The following PCM1 variants were observed in gnomAD, a reference collection of about 807,000 sequenced individuals.
PCM1 encodes the protein pericentriolar material 1 protein.
In PCM1, 157 loss-of-function variants were observed where a neutral mutation model predicts 241.9. The ratio of observed to expected loss-of-function variants is 0.65; its 90% CI spans 0.57 to 0.74. The LOEUF (loss-of-function observed/expected upper bound fraction) is 0.74. Ranked by LOEUF, PCM1 falls within the 30% of genes least tolerant of loss-of-function variation. The pLI, the probability that PCM1 is intolerant of heterozygous loss-of-function variation, is 0.00. For missense variants in PCM1, 3,478 were observed against 2,360.1 expected, an observed-to-expected ratio of 1.47 and a Z score of -9.81; for synonymous variants, 1,085 against 784.9, an observed-to-expected ratio of 1.38 and a Z score of -6.39.
rs1013143654 is a variant in PCM1, at chr8:17,965,991, T to A, written c.2856-8T>A. ...TATGATGACTTAATGCTTTCAATCTTGTGTTAGGTGGAAGAACAATTGCCC... is the reference window on the plus strand; with the variant it reads ...TATGATGACTTAATGCTTTCAATCTAGTGTTAGGTGGAAGAACAATTGCCC... On this transcript the variant is annotated splice_region_variant and splice_polypyrimidine_tract_variant and intron_variant, in intron 18 of 38. Coordinates refer to ENST00000325083, the MANE Select transcript of PCM1 (RefSeq NM_006197.4). 8 of 1,598,132 alleles carry A rather than the reference T, an allele frequency of 5.0e-6. No homozygotes were observed. Among genetic ancestry groups the A allele is most frequent in the Non-Finnish European group, 6.8e-6 (8 of 1,170,518 alleles).
intron 4 of PCM1, among the ~76,000 whole-genome samples, chr8:17,938,030 A>G (rs1278090141): frequency 6.6e-6 from 1 of 152,186 alleles, no homozygotes; most frequent in Non-Finnish European, 1.5e-5. Context: ...TTCTTCATGT[A>G]GACACAACTT....
intron 36 of PCM1, among the ~76,000 whole-genome samples, chr8:18,016,673 TGTATGTA>T (rs1359295963): frequency 6.6e-6 from 1 of 152,156 alleles, no homozygotes; most frequent in Non-Finnish European, 1.5e-5. Flanking sequence ...TAAAATGAAT[TGTATGTA>T]GGGAGTGATT....
At position 17,957,871 on chromosome 8, in the gene PCM1, A is replaced by G. The variant is rs573121243; in HGVS notation, c.2040+96A>G. 4.8e-5 allele frequency: 38 copies of G among 786,934 alleles called. No homozygotes were observed. The South Asian group carries it at 6.8e-4, about 14-fold the overall frequency. 48.7% of individuals were successfully genotyped at this position (786,934 alleles called of 1,614,324 possible). ...TAATTACTTTGGTTTAATTATACTA[A>G]TACACATTTATGTATCATATGTGAG... On this transcript the variant is annotated intron_variant, in intron 13 of 38. Transcript: ENST00000325083.
At chr8:17,998,177 C>T (rs1162363090) in intron 29 of PCM1, among the ~76,000 whole-genome samples, 1 of 152,060 alleles carries the variant, frequency 6.6e-6, no homozygotes, top group Non-Finnish European at 1.5e-5. Context: ...CTTATTTGGT[C>T]CCTTTGTTGA....
At position 17,985,979 on chromosome 8, in the gene PCM1, T is replaced by G. The variant is rs778476370; in HGVS notation, c.4302T>G (p.Ile1434Met). ...YALQDIVSRHISESHEKGENV... is the reference protein window; with the variant it reads ...YALQDIVSRHMSESHEKGENV... The stretch of plus-strand genomic sequence containing the variant: ...TTTAGGACATAGTATCCAGACATAT[T>G]TCTGAGAGCCATGAAAAAGGAGAAA... Residue 1434 changes from isoleucine to methionine, a missense_variant, in exon 26 of 39, where the codon ATT becomes ATG. Coordinates refer to ENST00000325083, the MANE Select transcript of PCM1 (RefSeq NM_006197.4). 2 of 1,571,692 alleles carry G rather than the reference T, an allele frequency of 1.3e-6. No individual in the cohort carries two copies. Among genetic ancestry groups the G allele is most frequent in the Non-Finnish European group, 1.7e-6 (2 of 1,147,982 alleles).
intron 21 of PCM1, among the ~76,000 whole-genome samples, chr8:17,968,136 T>A (rs147132129): frequency 2.8e-4 from 43 of 152,262 alleles, no homozygotes; most frequent in African/African-American, 1.0e-3. Context: ...GAAAGGGCTT[T>A]CTAATAGAAC....
rs1316581268 is a variant in PCM1 at position 17,966,360 on chromosome 8, G to A, written c.3108G>A (p.Thr1036=). 1.9e-6 allele frequency: 3 copies of A among 1,613,540 alleles called. No homozygotes were observed. The highest frequency in any genetic ancestry group is 1.7e-5 in the Admixed American group (1 of 60,006). ...TLSCLLQTLL[T]GPYSVMPSNV... ...CTTGTCTGCTACAAACTCTTCTCAC[G>A]GGTCCTTACAGTGTTATGCCCAGCA... The change falls in exon 20 of 39, where the codon ACG becomes ACA. Residue 1036 remains threonine, a synonymous_variant. Coordinates refer to ENST00000325083, the MANE Select transcript of PCM1 (RefSeq NM_006197.4).
Position 17,972,640 on chromosome 8 carries a change from G to C in PCM1, c.3896G>C (p.Ser1299Thr), listed in dbSNP as rs562478398. 1.1e-5 allele frequency: 18 copies of C among 1,580,370 alleles called. No homozygotes were observed. The African/African-American group carries it at 2.1e-4, about 18-fold the overall frequency. Residue 1299 changes from serine (S) to threonine (T), a missense_variant, in exon 23 of 39, where the codon AGT becomes ACT. Ser to Thr is a moderately conservative substitution (Grantham distance 58). Transcript: ENST00000325083. ...AAAGATAAAACTCCCAAGTCAAAAAGTAAGAAGAGGAATTCTACTCAGCTG... is the reference window on the plus strand; with the variant it reads ...AAAGATAAAACTCCCAAGTCAAAAACTAAGAAGAGGAATTCTACTCAGCTG... ...ASKDKTPKSK[S>T]KKRNSTQLKS...
At chr8:17,963,743 A>G (rs1399843662) in intron 17 of PCM1, among the ~76,000 whole-genome samples, 1 of 152,196 alleles carries the variant, frequency 6.6e-6, no homozygotes, top group Non-Finnish European at 1.5e-5. Context: ...CATATTTAGA[A>G]TATTTCTAAA....
chr8:17,990,641 G>T (rs1320633054), intron 27 of PCM1, among the ~76,000 whole-genome samples: 1 of 152,004 alleles, frequency 6.6e-6, no homozygotes, highest in Middle Eastern at 3.2e-3. Flanking sequence ...CTAGACTGTG[G>T]CCAATCAAAA....
At chr8:17,975,000 C>T (rs964693120) in intron 23 of PCM1, among the ~76,000 whole-genome samples, 5 of 152,102 alleles carry the variant, frequency 3.3e-5, no homozygotes, top group African/African-American at 9.7e-5. Flanking sequence ...GAACTGTGGA[C>T]AAGCAGCATT....
In PCM1 at chr8:17,939,793, C is replaced by G; in HGVS notation, c.715C>G (p.Leu239Val). 6.5e-7 allele frequency: 1 copy of G among 1,545,020 alleles called. No individual in the cohort carries two copies. Among genetic ancestry groups the G allele is most frequent in the Non-Finnish European group, 8.8e-7 (1 of 1,136,892 alleles). ...TGAGAGATCTGCTAATGTTGAGCGC[C>G]TTACTCATCTAATAGATCACCTTAA... ...KNERSANVER[L>V]THLIDHLKEQ... The change falls in exon 6 of 39, where the codon CTT becomes GTT. Residue 239 changes from leucine to valine, a missense_variant. Physicochemically the swap from Leu to Val is conservative, Grantham distance 32 (BLOSUM62 1). Transcript: ENST00000325083.
chr8:17,957,697 A>G lies in PCM1; in HGVS notation c.1962A>G (p.Glu654=). 6.2e-7 allele frequency: 1 copy of G among 1,613,004 alleles called. No homozygotes were observed. The part of the protein sequence containing the change: ...SLVDEHPEDA[E]FEQKINRLMA... ...TTGATGAGCATCCAGAAGATGCTGA[A>G]TTTGAACAGAAGATCAACCGACTTA... Residue 654 remains glutamate, a synonymous_variant, in exon 13 of 39, where the codon GAA becomes GAG. Transcript: ENST00000325083.
intron 2 of PCM1, among the ~76,000 whole-genome samples, chr8:17,931,293 A>T (rs193184356): frequency 6.6e-6 from 1 of 151,758 alleles, no homozygotes; most frequent in Non-Finnish European, 1.5e-5. Flanking sequence ...CTCCAGATAT[A>T]TTCTTTTTTT....
chr8:17,980,851 GTATC>G (rs757986714), intron 24 of PCM1, 96 bp downstream of exon 24: 19 of 833,752 alleles, frequency 2.3e-5, no homozygotes, highest in East Asian at 1.5e-4. Context: ...TGTTTCACAC[GTATC>G]TATCATGTGG....
chr8:17,933,396 C>CT (rs1036985169), intron 2 of PCM1, among the ~76,000 whole-genome samples: 46 of 152,090 alleles, frequency 3.0e-4, no homozygotes, highest in African/African-American at 9.9e-4. Flanking sequence ...CAGATGGTAA[C>CT]TTTTTTTTCC....
intron 22 of PCM1, among the ~76,000 whole-genome samples, chr8:17,970,119 C>G (rs2076345293): frequency 6.6e-6 from 1 of 152,058 alleles, no homozygotes; most frequent in Non-Finnish European, 1.5e-5. Context: ...TGATTAGAAT[C>G]ACTTCCTAAA....
chr8:17,959,958 A>G (rs917879018), intron 13 of PCM1, 56 bp from the exon 14 acceptor site: 24 of 1,524,742 alleles, frequency 1.6e-5, no homozygotes, highest in Non-Finnish European at 9.9e-6. Flanking sequence ...CTAAGGTATG[A>G]ATTGGATAAT....
chr8:17,979,615 A>G (rs2080002595), intron 23 of PCM1, among the ~76,000 whole-genome samples: 1 of 152,246 alleles, frequency 6.6e-6, no homozygotes, highest in Non-Finnish European at 1.5e-5. Flanking sequence ...ATAAAAAGCT[A>G]TAAAGTATTT....
Sources: gnomAD v4.1 joint callset for allele counts (sites outside exome capture counted in the v4.1 genomes callset) on GRCh38, gnomAD v4.1.1 for gene constraint, MANE v1.5 for transcripts, NCBI Gene and HGNC (gene_info 2026-07-23, HGNC 2026-07-21) for gene names.